Variants in RANBP2 observed in about 807,000 individuals in gnomAD.
RANBP2 encodes the protein RAN binding protein 2, also known as E3 SUMO-protein ligase RanBP2.
Under a neutral mutation model 303.6 loss-of-function variants are expected in RANBP2, and 57 were observed. The ratio of observed to expected loss-of-function variants is 0.19; its 90% confidence interval spans 0.15 to 0.23. RANBP2 has a LOEUF of 0.23. RANBP2 is among the 10% of genes least tolerant of loss of function. RANBP2 has a pLI of 1.00. For synonymous variants in RANBP2, 1,167 were observed against 1,301.5 expected (o/e 0.90, Z 2.23); for missense variants, 3,138 against 3,780.8 (o/e 0.83, Z 4.46).
chr2:109,416,577 G>A, the RANBP2 span, among the ~76,000 whole-genome samples: 1 of 151,028 alleles, frequency 6.6e-6, no homozygotes, highest in South Asian at 2.1e-4. Flanking sequence ...TAGAGACGGG[G>A]TTTCACCATA....
At chr2:109,696,490 C>G in the RANBP2 span, among the ~76,000 whole-genome samples, 1 of 152,182 alleles carries the variant, frequency 6.6e-6, no homozygotes. Context: ...TTTCTGGAAT[C>G]TGTTCTGTTC....
At chr2:108,771,093 T>C (rs1271151616) in intron 20 of RANBP2, among the ~76,000 whole-genome samples, 3 of 151,962 alleles carry the variant, frequency 2.0e-5, no homozygotes, top group African/African-American at 4.8e-5. Context: ...GGGTTGTTTT[T>C]AGCCATATGA....
chr2:109,187,887 C>G, the RANBP2 span, among the ~76,000 whole-genome samples: 23 of 152,266 alleles, frequency 1.5e-4, no homozygotes, highest in Admixed American at 8.5e-4. Context: ...CCGCCGTCAC[C>G]GTGGGTGTTA....
the RANBP2 span, chr2:109,543,777 T>C: frequency 2.3e-5 from 4 of 174,668 alleles, no homozygotes; most frequent in Non-Finnish European, 3.6e-5. Flanking sequence ...CTAACAACAG[T>C]GAATATATAT....
the RANBP2 span, among the ~76,000 whole-genome samples, chr2:109,041,662 C>CTCCCG: frequency 6.8e-6 from 1 of 147,066 alleles, no homozygotes; most frequent in African/African-American, 2.5e-5. Context: ...GCTCGGACTA[C>CTCCCG]AGGTGCCCGC....
the RANBP2 span, among the ~76,000 whole-genome samples, chr2:109,403,976 T>C: frequency 4.6e-3 from 707 of 152,244 alleles, 6 homozygotes; most frequent in African/African-American, 0.016. Context: ...TGGTGGCTCT[T>C]TCTGCTGCTC....
In RANBP2 at chr2:108,782,728, C is replaced by T. The variant is rs771527383; in HGVS notation, c.9235C>T (p.Arg3079Trp). ...DVCADGEPLG[R>W]ITMELFSNIV... is the part of the protein sequence containing the mutation. Reference sequence around the variant, plus strand: ...TTGTGCGGACGGTGAACCTCTAGGGCGGATAACTATGGAATTATTTTCAAA... The same window carrying T: ...TTGTGCGGACGGTGAACCTCTAGGGTGGATAACTATGGAATTATTTTCAAA... Residue 3079 changes from arginine (R) to tryptophan (W), a missense_variant, in exon 28 of 29, where the codon CGG becomes TGG. Around this residue, in one of 20 missense-constraint regions of RANBP2, gnomAD observed 204 missense variants for 228.4 expected, o/e 0.89. Coordinates refer to ENST00000283195, the MANE Select transcript of RANBP2 (RefSeq NM_006267.5). 2 of 1,614,006 alleles carry T rather than the reference C, an allele frequency of 1.2e-6. No individual in the cohort carries two copies. Among genetic ancestry groups the T allele is most frequent in the African/African-American group, 1.3e-5 (1 of 74,906 alleles).
the RANBP2 span, among the ~76,000 whole-genome samples, chr2:109,243,993 C>T: frequency 2.0e-5 from 3 of 152,174 alleles, no homozygotes; most frequent in Non-Finnish European, 4.4e-5. Context: ...CTCATGTGCT[C>T]ATAGGTGAAG....
chr2:108,803,093 A>G, the RANBP2 span, among the ~76,000 whole-genome samples: 4 of 152,156 alleles, frequency 2.6e-5, no homozygotes, highest in Admixed American at 1.3e-4. Flanking sequence ...GCATTTCTCA[A>G]AGCTTTTGCT....
At chr2:109,454,723 G>A in the RANBP2 span, among the ~76,000 whole-genome samples, 2 of 152,298 alleles carry the variant, frequency 1.3e-5, no homozygotes, top group Non-Finnish European at 2.9e-5. Context: ...ATACAGTAGG[G>A]ACGGTACACT....
chr2:108,833,551 T>C, the RANBP2 span, among the ~76,000 whole-genome samples: 1 of 152,224 alleles, frequency 6.6e-6, no homozygotes, highest in African/African-American at 2.4e-5. Flanking sequence ...TGGGAATGTT[T>C]ATAGTCCATG....
intron 17 of RANBP2, among the ~76,000 whole-genome samples, chr2:108,758,154 A>T (rs933372884): frequency 5.3e-5 from 8 of 152,094 alleles, no homozygotes; most frequent in Admixed American, 2.0e-4. Flanking sequence ...AAAATTAGCC[A>T]GGCGTGCTGG....
chr2:109,243,291 C>T, the RANBP2 span, among the ~76,000 whole-genome samples: 1 of 152,254 alleles, frequency 6.6e-6, no homozygotes, highest in African/African-American at 2.4e-5. Flanking sequence ...CCGTACACCG[C>T]ATGGATCCTG....
chr2:109,564,917 T>C, the RANBP2 span, among the ~76,000 whole-genome samples: 2 of 152,204 alleles, frequency 1.3e-5, no homozygotes, highest in Non-Finnish European at 2.9e-5. Flanking sequence ...TAATATTAGT[T>C]CACTAAAACT....
At chr2:109,726,218 G>A in the RANBP2 span, among the ~76,000 whole-genome samples, 15 of 151,732 alleles carry the variant, frequency 9.9e-5, no homozygotes, top group Admixed American at 7.2e-4. Flanking sequence ...AGACCAGCCC[G>A]GCCAACATAG....
At chr2:108,959,673 C>T in the RANBP2 span, among the ~76,000 whole-genome samples, 5 of 152,240 alleles carry the variant, frequency 3.3e-5, 1 homozygote, top group South Asian at 6.2e-4. Context: ...TCTGGATGCC[C>T]GGTGAATGGC....
chr2:109,656,447 C>T, the RANBP2 span, among the ~76,000 whole-genome samples: 1 of 152,310 alleles, frequency 6.6e-6, no homozygotes, highest in East Asian at 1.9e-4. Context: ...AAGCAATTCT[C>T]CTGCTTCAGC....
In RANBP2 at chr2:108,752,053, A is replaced by C. The variant is rs558530931; in HGVS notation, c.1755+59A>C. The C allele has an allele frequency of 6.7e-5, 108 of 1,603,076 alleles. No homozygotes were observed. In the East Asian group the frequency reaches 1.7e-3, roughly 25 times the overall value. ...ATTACCTTAATTTTTTAAAATCATGAACTTTTTATTGAAAGTTTTTTTGTT... is the reference window on the plus strand; with the variant it reads ...ATTACCTTAATTTTTTAAAATCATGCACTTTTTATTGAAAGTTTTTTTGTT... On this transcript the variant is annotated intron_variant, in intron 12 of 28. Transcript: ENST00000283195.
the RANBP2 span, among the ~76,000 whole-genome samples, chr2:109,345,361 G>C: frequency 1.3e-5 from 2 of 152,158 alleles, no homozygotes; most frequent in African/African-American, 4.8e-5. Flanking sequence ...CAGATAGCAC[G>C]AGCCGGCCGC....
Sources: allele counts gnomAD v4.1 joint callset (sites outside exome capture counted in the v4.1 genomes callset), GRCh38; gene constraint gnomAD v4.1.1; regional missense constraint gnomAD v4.1.1; transcripts MANE v1.5; gene names NCBI Gene and HGNC (gene_info 2026-07-23, HGNC 2026-07-21).